Variants in LRRC28 observed in about 807,000 individuals in gnomAD.
The protein encoded by LRRC28 is leucine-rich repeat-containing protein 28.
In LRRC28, 39 loss-of-function variants were observed where a neutral mutation model predicts 45.7. The observed-to-expected ratio is 0.85, with a 90% CI of 0.66 to 1.12. The LOEUF (loss-of-function observed/expected upper bound fraction) is 1.12. LRRC28 is among the 50% of genes most tolerant of loss of function. LRRC28 has a pLI of 0.00. For missense variants in LRRC28, 435 were observed against 438.5 expected, an observed-to-expected ratio of 0.99 and a Z score of 0.07; for synonymous variants, 206 against 178.8, an observed-to-expected ratio of 1.15 and a Z score of -1.22.
chr15:99,340,555 T>G (rs954667601), intron 6 of LRRC28, among the ~76,000 whole-genome samples: 3 of 152,250 alleles, frequency 2.0e-5, no homozygotes, highest in African/African-American at 7.2e-5. Context: ...GAGTGTAAAC[T>G]GTACTGTACT....
At chr15:99,270,615 T>G (rs1430277624) in intron 2 of LRRC28, among the ~76,000 whole-genome samples, 1 of 152,258 alleles carries the variant, frequency 6.6e-6, no homozygotes, top group Non-Finnish European at 1.5e-5. Flanking sequence ...CTTCTTTTTT[T>G]GTGTGTGATT....
At chr15:99,342,197 G>A (rs931923734) in intron 6 of LRRC28, among the ~76,000 whole-genome samples, 1 of 152,122 alleles carries the variant, frequency 6.6e-6, no homozygotes, top group Admixed American at 6.6e-5. Flanking sequence ...TTATCTCTTT[G>A]GCAATGTCTG....
At chr15:99,381,899 C>G (rs1957838136) in intron 9 of LRRC28, among the ~76,000 whole-genome samples, 1 of 152,244 alleles carries the variant, frequency 6.6e-6, no homozygotes. Flanking sequence ...GAAGCTTCAT[C>G]TCAGAGGGGT....
At chr15:99,278,541 TG>T in intron 3 of LRRC28, among the ~76,000 whole-genome samples, 1 of 152,228 alleles carries the variant, frequency 6.6e-6, no homozygotes. Context: ...CCACTGCACC[TG>T]GTCCCTTGTC....
intron 6 of LRRC28, among the ~76,000 whole-genome samples, chr15:99,339,425 G>A (rs1282164978): frequency 2.0e-5 from 3 of 152,134 alleles, no homozygotes; most frequent in African/African-American, 7.2e-5. Context: ...CTTATTCAAT[G>A]TTAACTTAAA....
chr15:99,337,758 T>C (rs1227443105), intron 6 of LRRC28: 1 of 152,270 alleles, frequency 6.6e-6, no homozygotes, highest in African/African-American at 2.4e-5. Flanking sequence ...TAGCCCAGGA[T>C]AGGAAGCAGC....
At chr15:99,344,403 C>T (rs1034763892) in intron 6 of LRRC28, among the ~76,000 whole-genome samples, 1 of 151,990 alleles carries the variant, frequency 6.6e-6, no homozygotes, top group Admixed American at 6.6e-5. Context: ...CACTCTATAT[C>T]AGATTGTGTA....
At chr15:99,288,568 G>A (rs2152212534) in intron 5 of LRRC28, among the ~76,000 whole-genome samples, 1 of 152,058 alleles carries the variant, frequency 6.6e-6, no homozygotes, top group Non-Finnish European at 1.5e-5. Context: ...TTTTGGTAGA[G>A]ATAGGGTTTC....
chr15:99,359,006 C>G (rs1957125924), intron 7 of LRRC28, among the ~76,000 whole-genome samples: 1 of 151,556 alleles, frequency 6.6e-6, no homozygotes, highest in South Asian at 2.1e-4. Context: ...ACCCGGGAGG[C>G]AGAGGTTGCA....
At chr15:99,371,493 C>T (rs1405884065) in intron 9 of LRRC28, among the ~76,000 whole-genome samples, 2 of 152,194 alleles carry the variant, frequency 1.3e-5, no homozygotes, top group African/African-American at 4.8e-5. Context: ...TCCCTTCTCC[C>T]ACTCACTAGT....
At position 99,352,515 on chromosome 15, in the gene LRRC28, C is replaced by T. The variant is rs748607515; in HGVS notation, c.695+44C>T. The T allele has an allele frequency of 2.7e-6, 4 of 1,454,876 alleles. No individual in the cohort carries two copies. In the South Asian group the frequency reaches 3.5e-5, roughly 13 times the overall value. 90.1% of individuals were successfully genotyped at this position (1,454,876 alleles called of 1,614,324 possible). On this transcript the variant is annotated intron_variant, in intron 7 of 9. Coordinates refer to ENST00000301981, the MANE Select transcript of LRRC28 (RefSeq NM_144598.5). ...TTTGAACTAAAAAATAGATTAACTA[C>T]TTTTGGTACTTCTGTTCAATTTTGT...
At chr15:99,352,578 G>A in intron 7 of LRRC28, 107 bp downstream of exon 7, 1 of 807,708 alleles carries the variant, frequency 1.2e-6, no homozygotes, top group Non-Finnish European at 2.0e-6. Context: ...GGTATCCTTA[G>A]AAACTAAGGA....
intron 2 of LRRC28, among the ~76,000 whole-genome samples, chr15:99,269,830 A>G (rs1056539742): frequency 6.6e-6 from 1 of 152,250 alleles, no homozygotes; most frequent in Non-Finnish European, 1.5e-5. Flanking sequence ...TAATGTTTCC[A>G]TCATGGCAGA....
chr15:99,372,934 G>A (rs940890581), intron 9 of LRRC28, among the ~76,000 whole-genome samples: 5 of 152,088 alleles, frequency 3.3e-5, no homozygotes, highest in Non-Finnish European at 7.4e-5. Flanking sequence ...GAGAACTGCT[G>A]AGCAAAGAGG....
chr15:99,285,146 T>G (rs2081924054), intron 3 of LRRC28: 1 of 720,578 alleles, frequency 1.4e-6, no homozygotes, highest in Non-Finnish European at 2.6e-6. Context: ...TCAAAGCCCC[T>G]TTTCTTGTCA....
chr15:99,311,798 A>T (rs1225323662), intron 5 of LRRC28, among the ~76,000 whole-genome samples: 1 of 152,208 alleles, frequency 6.6e-6, no homozygotes, highest in Non-Finnish European at 1.5e-5. Context: ...CTAGAATATG[A>T]TCTATCGGAT....
chr15:99,259,745 T>C, intron 2 of LRRC28: 2 of 1,409,560 alleles, frequency 1.4e-6, no homozygotes, highest in Non-Finnish European at 2.0e-6. Flanking sequence ...TAAAACAGTT[T>C]TGGATCTTGC....
intron 2 of LRRC28, among the ~76,000 whole-genome samples, chr15:99,263,335 A>AG (rs1322903275): frequency 6.6e-6 from 1 of 151,714 alleles, no homozygotes; most frequent in Non-Finnish European, 1.5e-5. Flanking sequence ...AAAAAAAAAA[A>AG]AAGAAGTAGT....
At chr15:99,315,756 G>C (rs1567655497) in intron 5 of LRRC28, among the ~76,000 whole-genome samples, 1 of 152,116 alleles carries the variant, frequency 6.6e-6, no homozygotes, top group South Asian at 2.1e-4. Flanking sequence ...CATGATTAAG[G>C]TAAGGTATCA....
Sources: gnomAD v4.1 joint callset for allele counts (sites outside exome capture counted in the v4.1 genomes callset) on GRCh38, gnomAD v4.1.1 for gene constraint, MANE v1.5 for transcripts, NCBI Gene and HGNC (gene_info 2026-07-23, HGNC 2026-07-21) for gene names.